UNC79: variants seen among roughly 807,000 people sequenced by gnomAD.
UNC79 encodes the protein protein unc-79 homolog.
In UNC79, 37 loss-of-function variants were observed where a neutral mutation model predicts 283.1. That is an observed-to-expected ratio of 0.13 (90% CI 0.10 to 0.17). The LOEUF is 0.17. UNC79 is among the 10% of genes least tolerant of loss of function. UNC79 has a pLI of 1.00. For missense variants in UNC79, 2,272 were observed against 3,211.1 expected (o/e 0.71, Z 7.07); for synonymous variants, 1,107 against 1,200.2 (o/e 0.92, Z 1.61).
intron 14 of UNC79, among the ~76,000 whole-genome samples, chr14:93,547,330 A>G (rs1367448014): frequency 1.3e-5 from 2 of 152,262 alleles, no homozygotes; most frequent in South Asian, 2.1e-4. Flanking sequence ...AACTTATCAA[A>G]TAAACCTAAT....
In UNC79 at chr14:93,402,759, T is replaced by C. The variant is rs572168098; in HGVS notation, c.-350-64912T>C. ...GGGAGGAGACAGTAGAGAAGAAATA[T>C]GTGAGAGTGTGAACCAAAAGTAGAC... On this transcript the variant is annotated intron_variant, in intron 1 of 49. Transcript: ENST00000256339. Among the ~76,000 whole-genome samples, 15 of 152,236 alleles carry C rather than the reference T, an allele frequency of 9.9e-5. No homozygotes were observed. In the South Asian group the frequency reaches 3.1e-3, roughly 32 times the overall value.
At chr14:93,691,643 G>C in intron 45 of UNC79, 106 bp from the exon 49 acceptor site, 2 of 1,153,168 alleles carry the variant, frequency 1.7e-6, no homozygotes, top group Non-Finnish European at 2.6e-6. Flanking sequence ...ATGCCTTTGT[G>C]CTTCCCCTGT....
intron 48 of UNC79, 108 bp from the exon 52 acceptor site, chr14:93,706,596 A>G: frequency 7.8e-7 from 1 of 1,282,834 alleles, no homozygotes; most frequent in Non-Finnish European, 1.1e-6. Context: ...AGGCCAGACA[A>G]CCCTTGAGCC....
At chr14:93,483,252 T>G (rs1011278386) in intron 4 of UNC79, among the ~76,000 whole-genome samples, 1 of 152,216 alleles carries the variant, frequency 6.6e-6, no homozygotes, top group African/African-American at 2.4e-5. Context: ...CTGTTTGCCC[T>G]TTCTTGTAGA....
intron 14 of UNC79, among the ~76,000 whole-genome samples, chr14:93,546,432 A>G (rs968961358): frequency 2.6e-5 from 4 of 152,366 alleles, no homozygotes. Flanking sequence ...AAGTTTCCCA[A>G]TTATGTCCTG....
At chr14:93,632,576 A>G (rs1952228) in intron 31 of UNC79, among the ~76,000 whole-genome samples, 113,200 of 151,744 alleles carry the variant, frequency 0.75, 43,021 homozygotes, top group African/African-American at 0.89. Context: ...GGCGCGCACC[A>G]TAGTCCCAGC....
At chr14:93,511,130 G>C (rs1458079709) in intron 7 of UNC79, among the ~76,000 whole-genome samples, 1 of 152,068 alleles carries the variant, frequency 6.6e-6, no homozygotes, top group African/African-American at 2.4e-5. Context: ...CGCACTTTTA[G>C]ACAACCAACT....
chr14:93,674,306 A>G (rs1009768367), intron 41 of UNC79, among the ~76,000 whole-genome samples: 2 of 152,186 alleles, frequency 1.3e-5, no homozygotes, highest in Non-Finnish European at 2.9e-5. Context: ...AGGGTTCAGC[A>G]TAGAGAGGTT....
At chr14:93,406,980 A>G (rs186366341) in intron 1 of UNC79, among the ~76,000 whole-genome samples, 3 of 152,030 alleles carry the variant, frequency 2.0e-5, no homozygotes, top group Non-Finnish European at 4.4e-5. Flanking sequence ...GGAATTCTTC[A>G]TTTTTTCCTT....
At chr14:93,520,645 AG>A (rs1193914900) in intron 7 of UNC79, among the ~76,000 whole-genome samples, 4 of 151,822 alleles carry the variant, frequency 2.6e-5, no homozygotes, top group Admixed American at 6.6e-5. Flanking sequence ...CAGTTTGGGT[AG>A]TTTTGTTATG....
chr14:93,467,940 G>A, intron 2 of UNC79, 149 bp downstream of exon 2: 2 of 1,053,368 alleles, frequency 1.9e-6, no homozygotes, highest in Non-Finnish European at 2.5e-6. Context: ...AGTTCTCTGG[G>A]TGTATGTAGC....
chr14:93,349,129 G>A (rs2053930475), intron 1 of UNC79, among the ~76,000 whole-genome samples: 1 of 152,034 alleles, frequency 6.6e-6, no homozygotes, highest in Non-Finnish European at 1.5e-5. Context: ...ACATCTGAAG[G>A]AACAAACTCC....
rs563781712 is a variant in UNC79, at chr14:93,357,770, G to A, written c.-351+24247G>A. ...ATGGATATATGGATATATATATATG[G>A]ATATGTGGATATATGGATATATATA... On this transcript the variant is annotated intron_variant, in intron 1 of 49. Coordinates refer to the UNC79 transcript ENST00000256339. Among the ~76,000 whole-genome samples the A allele has an allele frequency of 9.6e-5, 6 of 62,314 alleles. No individual in the cohort carries two copies. In the South Asian group the frequency reaches 3.0e-3, roughly 31 times the overall value. 40.9% of individuals were successfully genotyped at this position (62,314 alleles called of 152,430 possible).
chr14:93,473,157 G>T (rs537459874), intron 2 of UNC79, among the ~76,000 whole-genome samples: 2 of 151,754 alleles, frequency 1.3e-5, no homozygotes, highest in Non-Finnish European at 2.9e-5. Flanking sequence ...TCTTTAGTGA[G>T]TTTTGTTGAA....
exon 15 of UNC79, chr14:93,572,044 G>A: frequency 1.2e-6 from 2 of 1,614,164 alleles, no homozygotes; most frequent in African/African-American, 1.3e-5. Flanking sequence ...CAGAACAGAA[G>A]TCCCAGATAA....
chr14:93,523,438 G>A (rs1003186511), intron 7 of UNC79, among the ~76,000 whole-genome samples: 67 of 152,172 alleles, frequency 4.4e-4, no homozygotes, highest in African/African-American at 1.5e-3. Context: ...GGTAGAGGAC[G>A]TCTTACTATT....
intron 14 of UNC79, 47 bp from the exon 15 acceptor site, chr14:93,571,847 C>T (rs753185681): frequency 3.1e-6 from 5 of 1,604,488 alleles, no homozygotes; most frequent in African/African-American, 1.3e-5. Context: ...ATAATTGTAA[C>T]CAGTGTGTTT....
exon 18 of UNC79, chr14:93,578,002 G>T: frequency 6.2e-7 from 1 of 1,614,228 alleles, no homozygotes; most frequent in Non-Finnish European, 8.5e-7. Context: ...GACTTTGATT[G>T]TGAAGATGAT....
rs768898743 is a variant in UNC79, at chr14:93,487,649, A to G, written c.620-14A>G. The stretch of plus-strand genomic sequence containing the variant: ...AGATTAAATTGTGTCTAATCAAAGA[A>G]CTTTTGGTTGCAGTGGGCTCCTCAA... On this transcript the variant is annotated splice_polypyrimidine_tract_variant and intron_variant, in intron 4 of 48. Transcript: ENST00000555664. 3 of 1,611,822 alleles carry G rather than the reference A, an allele frequency of 1.9e-6. No individual in the cohort carries two copies. The highest frequency in any genetic ancestry group is 2.7e-5 in the African/African-American group (2 of 74,862).
Sources: gnomAD v4.1 joint callset for allele counts (sites outside exome capture counted in the v4.1 genomes callset) on GRCh38, gnomAD v4.1.1 for gene constraint, MANE v1.5 for transcripts, NCBI Gene and HGNC (gene_info 2026-07-23, HGNC 2026-07-21) for gene names.